Variants in TRPC7 observed in about 807,000 individuals in gnomAD.
The protein encoded by TRPC7 is short transient receptor potential channel 7.
TRPC7 carries 42 observed loss-of-function variants against 90.1 expected under a neutral mutation model. That is an observed-to-expected ratio of 0.47 (90% CI 0.36 to 0.60). The LOEUF is 0.60. Among genes scored for constraint, TRPC7 ranks in the 20% least tolerant of loss-of-function variants. TRPC7 has a pLI of 0.00. For missense variants in TRPC7, 955 were observed against 1,112.3 expected (o/e 0.86, Z 2.01); for synonymous variants, 451 against 436.3 (o/e 1.03, Z -0.42).
intron 2 of TRPC7, among the ~76,000 whole-genome samples, chr5:136,336,693 G>A (rs1489707126): frequency 6.6e-6 from 1 of 151,962 alleles, no homozygotes; most frequent in Non-Finnish European, 1.5e-5. Context: ...CCTGGGGTGT[G>A]ATGTTCCCTG....
At chr5:136,285,922 C>T (rs1485899315) in intron 3 of TRPC7, among the ~76,000 whole-genome samples, 1 of 152,208 alleles carries the variant, frequency 6.6e-6, no homozygotes, top group Non-Finnish European at 1.5e-5. Context: ...GTCCCCTACT[C>T]AGTTCCTCCT....
chr5:136,278,304 G>A (rs1757430506), intron 3 of TRPC7, among the ~76,000 whole-genome samples: 1 of 152,242 alleles, frequency 6.6e-6, no homozygotes, highest in Non-Finnish European at 1.5e-5. Flanking sequence ...AATGGGCACT[G>A]TTTGAGTAAA....
At chr5:136,229,534 G>A (rs1755750612) in intron 8 of TRPC7, among the ~76,000 whole-genome samples, 1 of 152,168 alleles carries the variant, frequency 6.6e-6, no homozygotes, top group African/African-American at 2.4e-5. Context: ...GAGGTCACGA[G>A]GATGGGGCCC....
At chr5:136,228,296 G>T (rs1755695098) in intron 8 of TRPC7, among the ~76,000 whole-genome samples, 1 of 152,072 alleles carries the variant, frequency 6.6e-6, no homozygotes, top group South Asian at 2.1e-4. Context: ...TGGGTGGGGT[G>T]GGGGGTAGGG....
chr5:136,358,264 T>C (rs1211365864), intron 1 of TRPC7, among the ~76,000 whole-genome samples: 1 of 152,178 alleles, frequency 6.6e-6, no homozygotes, highest in African/African-American at 2.4e-5. Context: ...GCTCAACTTA[T>C]ATGCTGGGTC....
intron 3 of TRPC7, among the ~76,000 whole-genome samples, chr5:136,291,012 C>A (rs1279421840): frequency 6.6e-6 from 1 of 152,206 alleles, no homozygotes; most frequent in African/African-American, 2.4e-5. Flanking sequence ...AAAGAATTTT[C>A]AACCCAGAAT....
In TRPC7 at chr5:136,365,462, C is replaced by T. The variant is rs1353022362; in HGVS notation, c.-208G>A. ...GTTGCAGTGGTAAAAACTCGCCTTCCGAGGCAGAACCGTGTTACCGTCCTT... is the reference window on the plus strand; with the variant it reads ...GTTGCAGTGGTAAAAACTCGCCTTCTGAGGCAGAACCGTGTTACCGTCCTT... On this transcript the variant is annotated 5_prime_UTR_variant, in exon 1 of 12. Coordinates refer to ENST00000513104, the MANE Select transcript of TRPC7 (RefSeq NM_020389.3). 2 of 587,726 alleles carry T rather than the reference C, an allele frequency of 3.4e-6. No homozygotes were observed. Among genetic ancestry groups the T allele is most frequent in the African/African-American group, 3.7e-5 (2 of 53,776 alleles). The allele number at this position is 587,726 out of a possible 1,614,324, so 36.4% of individuals were successfully genotyped here.
chr5:136,283,370 C>T (rs2149819816), intron 3 of TRPC7, among the ~76,000 whole-genome samples: 1 of 152,334 alleles, frequency 6.6e-6, no homozygotes. Flanking sequence ...CCTGTCTCTT[C>T]TCATGCCCAT....
intron 6 of TRPC7, among the ~76,000 whole-genome samples, chr5:136,250,800 C>T (rs914631872): frequency 2.0e-5 from 3 of 152,078 alleles, no homozygotes; most frequent in Non-Finnish European, 4.4e-5. Flanking sequence ...TCACAGTAAA[C>T]TACCGAACTA....
chr5:136,240,326 A>G (rs1443696320), intron 7 of TRPC7, among the ~76,000 whole-genome samples: 1 of 152,170 alleles, frequency 6.6e-6, no homozygotes, highest in East Asian at 1.9e-4. Flanking sequence ...ATGGGATCGT[A>G]GCTGTTGCTT....
chr5:136,294,977 T>C (rs1758110976), intron 3 of TRPC7, among the ~76,000 whole-genome samples: 1 of 152,208 alleles, frequency 6.6e-6, no homozygotes, highest in South Asian at 2.1e-4. Context: ...GATGAGTTAA[T>C]GTGCTTTGTA....
chr5:136,251,939 G>A lies in TRPC7; in HGVS notation c.1346-57C>T, dbSNP rs900289831. The A allele has an allele frequency of 1.4e-5, 19 of 1,389,978 alleles. No individual in the cohort carries two copies. In the East Asian group the frequency reaches 3.2e-4, roughly 24 times the overall value. 86.1% of individuals were successfully genotyped at this position (1,389,978 alleles called of 1,614,324 possible). A position where few individuals can be genotyped will look rare whatever the true frequency, so the allele number is the denominator to read the frequency against. ...TTCGTTTCTCTTGGCATTTGTGACC[G>A]CATGAGGTCATGGAGGGAACCAGAG... On this transcript the variant is annotated intron_variant, in intron 5 of 11. Transcript: ENST00000513104.
At position 136,215,769 on chromosome 5, in the gene TRPC7, G is replaced by C. The variant is rs140138612; in HGVS notation, c.2419+431C>G. ...ACCCAGGAGGCAGAGGTTGCAGTGG[G>C]CCGAGATTGTGCCGTTGCACTCCAG... On this transcript the variant is annotated intron_variant, in intron 11 of 11. Transcript: ENST00000513104. 1.9e-3 allele frequency among the ~76,000 whole-genome samples: 291 copies of C among 150,352 alleles called. 2 individuals are homozygous for C. The highest frequency in any genetic ancestry group is 0.012 in the East Asian group (59 of 5,072).
At chr5:136,350,004 T>A (rs1012574439) in intron 2 of TRPC7, among the ~76,000 whole-genome samples, 3 of 152,206 alleles carry the variant, frequency 2.0e-5, no homozygotes, top group Admixed American at 6.5e-5. Context: ...TTCAGTATAG[T>A]AACATGCTGC....
At chr5:136,318,050 G>C (rs3822747) in intron 2 of TRPC7, among the ~76,000 whole-genome samples, 104,523 of 152,106 alleles carry the variant, frequency 0.69, 36,226 homozygotes, top group African/African-American at 0.77. Context: ...GGCAATAAGC[G>C]TTCTGCTGTC....
At chr5:136,243,002 C>T (rs967243203) in intron 7 of TRPC7, among the ~76,000 whole-genome samples, 1 of 152,134 alleles carries the variant, frequency 6.6e-6, no homozygotes, top group Non-Finnish European at 1.5e-5. Flanking sequence ...CTGGGAGTGG[C>T]CGGAGGGAGG....
chr5:136,280,856 A>G (rs1757526875), intron 3 of TRPC7, among the ~76,000 whole-genome samples: 1 of 152,154 alleles, frequency 6.6e-6, no homozygotes, highest in Non-Finnish European at 1.5e-5. Context: ...TAACCCTCAC[A>G]TCAGTTCTTT....
chr5:136,302,342 G>C (rs1205443632), intron 3 of TRPC7, among the ~76,000 whole-genome samples: 1 of 151,402 alleles, frequency 6.6e-6, no homozygotes, highest in African/African-American at 2.4e-5. Flanking sequence ...TCACCCTTAG[G>C]GGCAAGTCCC....
In TRPC7 at chr5:136,247,628, C is replaced by T. The variant is rs779338400; in HGVS notation, c.1687G>A (p.Glu563Lys). Reference protein sequence around the residue: ...SRIAYILPANESFGPLQISLG... With the variant: ...SRIAYILPANKSFGPLQISLG... ...GAGATCTGCAGGGGCCCAAAACTCT[C>T]GTTGGCTGGCAGAATGTATGCAATG... The change falls in exon 7 of 12, where the codon GAG becomes AAG. Residue 563 changes from glutamate to lysine, a missense_variant. By Grantham distance (56) the Glu-to-Lys change is moderately conservative (BLOSUM62 1). Coordinates refer to ENST00000513104, the MANE Select transcript of TRPC7 (RefSeq NM_020389.3). This position sits in a 1 kb window ranked among gnomAD's most constrained non-coding sequence, Gnocchi z 4.2. The T allele has an allele frequency of 5.0e-6, 8 of 1,613,988 alleles. No individual in the cohort carries two copies. The highest frequency in any genetic ancestry group is 2.2e-5 in the South Asian group (2 of 91,068).
Sources: allele counts gnomAD v4.1 joint callset (sites outside exome capture counted in the v4.1 genomes callset), GRCh38; gene constraint gnomAD v4.1.1; non-coding constraint Gnocchi (gnomAD v3.1); transcripts MANE v1.5; gene names NCBI Gene and HGNC (gene_info 2026-07-23, HGNC 2026-07-21).